The following DLGAP2 variants were observed in gnomAD, a reference collection of about 807,000 sequenced individuals.
DLGAP2 encodes the protein DLG associated protein 2.
In DLGAP2, 26 loss-of-function variants were observed where a neutral mutation model predicts 100.3. The observed-to-expected ratio is 0.26, with a 90% CI of 0.19 to 0.36. The LOEUF (loss-of-function observed/expected upper bound fraction) is 0.36. Among genes scored for constraint, DLGAP2 ranks in the 10% least tolerant of loss-of-function variants. The pLI is 1.00. For synonymous variants in DLGAP2, 886 were observed against 630.1 expected (o/e 1.41, Z -6.08); for missense variants, 1,858 against 1,453.2 (o/e 1.28, Z -4.53).
At chr8:1,127,562 C>T (rs143812630) in intron 2 of DLGAP2, among the ~76,000 whole-genome samples, 4 of 152,200 alleles carry the variant, frequency 2.6e-5, no homozygotes, top group South Asian at 2.1e-4. Flanking sequence ...CTCCTGCATC[C>T]GATGGACATT....
At chr8:1,582,674 C>G (rs567016401) in intron 6 of DLGAP2, among the ~76,000 whole-genome samples, 4 of 152,194 alleles carry the variant, frequency 2.6e-5, no homozygotes, top group Non-Finnish European at 5.9e-5. Context: ...ACTGCAACCT[C>G]TTTCTCCTGG....
chr8:857,290 T>C (rs1359108918), intron 1 of DLGAP2, among the ~76,000 whole-genome samples: 1 of 152,182 alleles, frequency 6.6e-6, no homozygotes, highest in Non-Finnish European at 1.5e-5. Flanking sequence ...TTGGTGACTT[T>C]TTAGATATAA....
Position 781,547 on chromosome 8 carries a change from G to A in DLGAP2, c.18+43722G>A, listed in dbSNP as rs557772721. Among the ~76,000 whole-genome samples the A allele has an allele frequency of 5.9e-5, 9 of 152,318 alleles. No homozygotes were observed. The South Asian group carries it at 1.9e-3, about 32-fold the overall frequency. On this transcript the variant is annotated intron_variant, in intron 1 of 14. Coordinates refer to ENST00000637795, the MANE Select transcript of DLGAP2 (RefSeq NM_001346810.2). ...TTTTAGTGTGACAGCCCTCTCAAAA[G>A]TGGGGTGTTGCCCAAGTACCGCATT...
chr8:1,607,119 A>G (rs1315463447), intron 6 of DLGAP2, among the ~76,000 whole-genome samples: 1 of 152,248 alleles, frequency 6.6e-6, no homozygotes, highest in Non-Finnish European at 1.5e-5. Context: ...AAGTGGCTGT[A>G]CTACATATAA....
intron 6 of DLGAP2, chr8:1,619,729 C>A (rs1797266979): frequency 6.6e-6 from 1 of 152,204 alleles, no homozygotes; most frequent in Non-Finnish European, 1.5e-5. Flanking sequence ...TAAGTTATGT[C>A]CTGTGACTAC....
At chr8:1,537,495 C>T (rs17681513) in intron 4 of DLGAP2, among the ~76,000 whole-genome samples, 56,753 of 151,978 alleles carry the variant, frequency 0.37, 11,173 homozygotes, top group South Asian at 0.53. Flanking sequence ...CTCAGCTGCA[C>T]CCCGTGTACC....
At chr8:1,234,456 G>C (rs961134415) in intron 2 of DLGAP2, among the ~76,000 whole-genome samples, 2 of 152,116 alleles carry the variant, frequency 1.3e-5, no homozygotes, top group Non-Finnish European at 2.9e-5. Context: ...TTTTCATAAG[G>C]ACACTAGTAA....
chr8:1,235,409 C>T (rs1239098250), intron 2 of DLGAP2, among the ~76,000 whole-genome samples: 10 of 151,516 alleles, frequency 6.6e-5, no homozygotes, highest in Admixed American at 2.6e-4. Flanking sequence ...TTCTCTCTCA[C>T]GTGGCATCGT....
intron 3 of DLGAP2, among the ~76,000 whole-genome samples, chr8:1,304,897 TATA>T (rs1800453555): frequency 6.6e-6 from 1 of 152,232 alleles, no homozygotes; most frequent in African/African-American, 2.4e-5. Context: ...TCGCATTTGA[TATA>T]ATCATCTGTC....
At chr8:1,360,726 C>A (rs554544524) in intron 3 of DLGAP2, among the ~76,000 whole-genome samples, 34 of 152,290 alleles carry the variant, frequency 2.2e-4, no homozygotes, top group South Asian at 2.1e-3. Flanking sequence ...TGGCCTCGTT[C>A]TTCCGGTAGC....
At chr8:1,271,541 C>A (rs1192482279) in intron 3 of DLGAP2, among the ~76,000 whole-genome samples, 1 of 152,214 alleles carries the variant, frequency 6.6e-6, no homozygotes, top group East Asian at 1.9e-4. Flanking sequence ...AGTTGTACAT[C>A]CGAGAAACAT....
chr8:1,698,117 A>G (rs777719871), intron 14 of DLGAP2, among the ~76,000 whole-genome samples: 2 of 152,258 alleles, frequency 1.3e-5, no homozygotes, highest in Non-Finnish European at 2.9e-5. Context: ...TCTAGTGGTC[A>G]TCATCATCGG....
At chr8:785,187 G>T (rs1375125328) in intron 1 of DLGAP2, among the ~76,000 whole-genome samples, 4 of 127,400 alleles carry the variant, frequency 3.1e-5, no homozygotes, top group Non-Finnish European at 6.2e-5. Flanking sequence ...ACTGCATTTT[G>T]GCCTGGCCTG....
At chr8:1,691,487 C>G (rs1206890222) in intron 12 of DLGAP2, 48 bp from the exon 13 acceptor site, 2 of 1,516,588 alleles carry the variant, frequency 1.3e-6, no homozygotes, top group Admixed American at 3.7e-5. Context: ...TGTAATTGAC[C>G]CAGTTTTGAA....
intron 3 of DLGAP2, among the ~76,000 whole-genome samples, chr8:1,308,815 G>A (rs1167626580): frequency 1.3e-5 from 2 of 152,178 alleles, no homozygotes; most frequent in African/African-American, 4.8e-5. Flanking sequence ...ATGAGCCACC[G>A]TGCCTGGCCC....
At chr8:1,484,494 G>A (rs1799188131) in intron 3 of DLGAP2, among the ~76,000 whole-genome samples, 1 of 152,226 alleles carries the variant, frequency 6.6e-6, no homozygotes, top group Non-Finnish European at 1.5e-5. Flanking sequence ...GCCGACCCAG[G>A]GTCCTCCATG....
chr8:1,295,082 G>C (rs1355839611), intron 3 of DLGAP2, among the ~76,000 whole-genome samples: 1 of 152,128 alleles, frequency 6.6e-6, no homozygotes, highest in African/African-American at 2.4e-5. Context: ...ACAGCAAACA[G>C]GAAATCTACT....
At chr8:1,459,269 CATATACCT>C in intron 3 of DLGAP2, among the ~76,000 whole-genome samples, 1 of 137,854 alleles carries the variant, frequency 7.3e-6, no homozygotes, top group South Asian at 2.3e-4. Context: ...GGTTTACATG[CATATACCT>C]GAGGTGTCAC....
chr8:1,475,670 G>A (rs1004397197), intron 3 of DLGAP2, among the ~76,000 whole-genome samples: 7 of 152,296 alleles, frequency 4.6e-5, no homozygotes, highest in East Asian at 1.9e-4. Context: ...AAGGCCGAGC[G>A]GAGAGGAAGA....
Sources: allele counts gnomAD v4.1 joint callset (sites outside exome capture counted in the v4.1 genomes callset), GRCh38; gene constraint gnomAD v4.1.1; transcripts MANE v1.5; gene names NCBI Gene and HGNC (gene_info 2026-07-23, HGNC 2026-07-21).